Variants in SLC22A14 observed in about 807,000 individuals in gnomAD.
SLC22A14 encodes organic cation transporter-like 4.
In SLC22A14, 50 loss-of-function variants were observed where a neutral mutation model predicts 53.9. The ratio of observed to expected loss-of-function variants is 0.93; its 90% confidence interval spans 0.74 to 1.17. The LOEUF (loss-of-function observed/expected upper bound fraction) is 1.17. SLC22A14 is among the 50% of genes most tolerant of loss of function. SLC22A14 has a pLI of 0.00. For missense variants in SLC22A14, 671 were observed against 734.7 expected (o/e 0.91, Z 1.00); for synonymous variants, 312 against 303.0 (o/e 1.03, Z -0.31).
upstream of SLC22A14, among the ~76,000 whole-genome samples, chr3:38,278,853 T>C (rs1003440305): frequency 6.8e-5 from 10 of 147,822 alleles, no homozygotes; most frequent in Admixed American, 1.3e-4. Context: ...ATGGCCTTCT[T>C]AGATGGGCGC....
chr3:38,313,272 G>GA (rs1382191506), intron 6 of SLC22A14, 116 bp from the exon 7 acceptor site: 1 of 1,401,584 alleles, frequency 7.1e-7, no homozygotes, highest in Non-Finnish European at 1.0e-6. Context: ...CCCTGCCAGG[G>GA]AAGGCCAGAA....
chr3:38,301,838 T>A (rs1339257771), intron 1 of SLC22A14, among the ~76,000 whole-genome samples: 1 of 151,948 alleles, frequency 6.6e-6, no homozygotes, highest in East Asian at 1.9e-4. Flanking sequence ...ATTGTTGAAT[T>A]TTATCAAATG....
chr3:38,292,244 C>G (rs1208505174), intron 1 of SLC22A14, among the ~76,000 whole-genome samples: 1 of 152,164 alleles, frequency 6.6e-6, no homozygotes, highest in Non-Finnish European at 1.5e-5. Flanking sequence ...GGCTATATCC[C>G]TGAACTCTTG....
chr3:38,315,957 G>A (rs1704607380), intron 9 of SLC22A14, among the ~76,000 whole-genome samples: 1 of 152,238 alleles, frequency 6.6e-6, no homozygotes, highest in South Asian at 2.1e-4. Flanking sequence ...CAGCAGAGCT[G>A]GGATTTGGCC....
intron 10 of SLC22A14, among the ~76,000 whole-genome samples, chr3:38,317,496 C>T (rs1704655216): frequency 6.6e-6 from 1 of 152,158 alleles, no homozygotes; most frequent in Non-Finnish European, 1.5e-5. Flanking sequence ...GTCACAGTGA[C>T]AACTGAGTAG....
At chr3:38,310,799 C>T (rs1424865753) in intron 5 of SLC22A14, among the ~76,000 whole-genome samples, 1 of 152,100 alleles carries the variant, frequency 6.6e-6, no homozygotes, top group Non-Finnish European at 1.5e-5. Flanking sequence ...TTTAAGACAG[C>T]AGGGTCCACT....
At chr3:38,313,532 G>A (rs377493770) in intron 7 of SLC22A14, 47 bp downstream of exon 7, 24 of 1,367,164 alleles carry the variant, frequency 1.8e-5, no homozygotes, top group Non-Finnish European at 2.5e-5. Flanking sequence ...AGGTGCGCAG[G>A]CTGGAAACTC....
intron 1 of SLC22A14, among the ~76,000 whole-genome samples, chr3:38,302,926 A>T (rs1030947513): frequency 8.5e-5 from 13 of 152,128 alleles, no homozygotes; most frequent in African/African-American, 2.2e-4. Context: ...TTTAGTCATT[A>T]TAGAACTTTT....
At chr3:38,296,108 G>C (rs1413229246) in intron 1 of SLC22A14, among the ~76,000 whole-genome samples, 1 of 152,200 alleles carries the variant, frequency 6.6e-6, no homozygotes, top group Admixed American at 6.5e-5. Context: ...GAGAATTTTG[G>C]GGCTACACTT....
intron 1 of SLC22A14, among the ~76,000 whole-genome samples, chr3:38,290,645 C>T (rs532584757): frequency 4.3e-4 from 66 of 152,312 alleles, no homozygotes; most frequent in African/African-American, 1.6e-3. Flanking sequence ...AAGTAATTTT[C>T]ATTGGTTAGC....
intron 5 of SLC22A14, among the ~76,000 whole-genome samples, chr3:38,310,853 G>T (rs548037122): frequency 6.6e-6 from 1 of 152,260 alleles, no homozygotes; most frequent in South Asian, 2.1e-4. Flanking sequence ...CCCTGTTGTG[G>T]TGGGCTGCTC....
chr3:38,299,626 A>G (rs974100660), intron 1 of SLC22A14, among the ~76,000 whole-genome samples: 8 of 152,234 alleles, frequency 5.3e-5, no homozygotes, highest in African/African-American at 1.4e-4. Flanking sequence ...GCAGTGGAGC[A>G]TTCATAGCTC....
rs1206823702 is a variant in SLC22A14 at position 38,316,512 on chromosome 3, C to T, written c.1721C>T (p.Ser574Phe). The change falls in exon 10 of 11, where the codon TCC becomes TTC. Residue 574 changes from serine (S) to phenylalanine (F), a missense_variant. Physicochemically the swap from Ser to Phe is radical, Grantham distance 155. Coordinates refer to ENST00000448498, the MANE Select transcript of SLC22A14 (RefSeq NM_001320033.2). The stretch of plus-strand genomic sequence containing the variant: ...CCCCTCTCCGAGAGCCTGAACCACT[C>T]CTCACAGATAAGGTAGGTGTGGGAG... ...DQPLSESLNH[S>F]SQIRNKVKDM... The T allele has an allele frequency of 6.2e-7, 1 of 1,614,076 alleles. No individual in the cohort carries two copies. The highest frequency in any genetic ancestry group is 8.5e-7 in the Non-Finnish European group (1 of 1,179,968).
At chr3:38,308,886 G>T in intron 4 of SLC22A14, 68 bp from the exon 5 acceptor site, 2 of 1,464,202 alleles carry the variant, frequency 1.4e-6, no homozygotes, top group Non-Finnish European at 1.9e-6. Flanking sequence ...ACCCAGCAAG[G>T]CTGGATGCAA....
In SLC22A14 at chr3:38,318,187, G is replaced by A. The variant is rs763382854; in HGVS notation, c.1734-11G>A. 6.2e-7 allele frequency: 1 copy of A among 1,613,132 alleles called. No homozygotes were observed. The highest frequency in any genetic ancestry group is 8.5e-7 in the Non-Finnish European group (1 of 1,179,110). ...TGTGGCCCTGGACTCATCCTCTGAT[G>A]GCTCTTTCAGGAATAAGGTCAAGGA... On this transcript the variant is annotated splice_polypyrimidine_tract_variant and intron_variant, in intron 10 of 10. Transcript: ENST00000448498.
intron 1 of SLC22A14, among the ~76,000 whole-genome samples, chr3:38,302,281 CAT>C (rs1419747243): frequency 7.0e-6 from 1 of 143,662 alleles, no homozygotes; most frequent in African/African-American, 2.5e-5. Context: ...TATATATACA[CAT>C]ATATATTTAT....
Position 38,307,804 on chromosome 3 carries a change from G to A in SLC22A14, c.775+84G>A. ...GGGTGACAAGGGGACATAGTGGCAG[G>A]GGGCGTGGCGGCATAGGCAGATGGC... On this transcript the variant is annotated intron_variant, in intron 4 of 10. Coordinates refer to ENST00000448498, the MANE Select transcript of SLC22A14 (RefSeq NM_001320033.2). This position sits in a 1 kb window ranked among gnomAD's most constrained non-coding sequence, Gnocchi z 4.4. 3 of 1,476,302 alleles carry A rather than the reference G, an allele frequency of 2.0e-6. No homozygotes were observed. The highest frequency in any genetic ancestry group is 2.8e-6 in the Non-Finnish European group (3 of 1,072,854). The allele number at this position is 1,476,302 out of a possible 1,614,324, so 91.5% of individuals were successfully genotyped here.
chr3:38,313,685 T>TGTGTGTGTGTCTGCGCGCGC, intron 7 of SLC22A14, 42 bp from the exon 8 acceptor site: 1 of 900,604 alleles, frequency 1.1e-6, no homozygotes, highest in Non-Finnish European at 1.8e-6. Flanking sequence ...TCCGTGTGTG[T>TGTGTGTGTGTCTGCGCGCGC]GCGCGCGTGT....
chr3:38,302,545 A>C (rs1022628595), intron 1 of SLC22A14, among the ~76,000 whole-genome samples: 2 of 151,778 alleles, frequency 1.3e-5, no homozygotes, highest in African/African-American at 4.8e-5. Flanking sequence ...AGTCTCAGCT[A>C]CTCAAGGAGG....
Sources: allele counts gnomAD v4.1 joint callset (sites outside exome capture counted in the v4.1 genomes callset), GRCh38; gene constraint gnomAD v4.1.1; non-coding constraint Gnocchi (gnomAD v3.1); transcripts MANE v1.5; gene names NCBI Gene and HGNC (gene_info 2026-07-23, HGNC 2026-07-21).